The following DNM2 variants were observed in gnomAD, a reference collection of about 807,000 sequenced individuals.
DNM2 encodes dynamin-2.
In DNM2, 15 loss-of-function variants were observed where a neutral mutation model predicts 99.0. The ratio of observed to expected loss-of-function variants is 0.15; its 90% CI spans 0.10 to 0.23. DNM2 has a LOEUF of 0.23. Ranked by LOEUF, DNM2 falls within the 10% of genes least tolerant of loss-of-function variation. DNM2 has a pLI of 1.00. For missense variants in DNM2, 742 were observed against 1,189.4 expected (o/e 0.62, Z 5.53); for synonymous variants, 525 against 481.2 (o/e 1.09, Z -1.19).
chr19:10,746,068 C>T (rs1266844421), intron 1 of DNM2, among the ~76,000 whole-genome samples: 1 of 152,158 alleles, frequency 6.6e-6, no homozygotes, highest in East Asian at 1.9e-4. Context: ...AAGCGATTCT[C>T]GTGCCTCAGC....
At chr19:10,719,516 T>G (rs150099000) in intron 1 of DNM2, among the ~76,000 whole-genome samples, 1 of 152,162 alleles carries the variant, frequency 6.6e-6, no homozygotes, top group East Asian at 1.9e-4. Flanking sequence ...GTGGGCAAAC[T>G]CCACTCTCTG....
intron 2 of DNM2, among the ~76,000 whole-genome samples, chr19:10,766,710 T>C (rs1286477988): frequency 6.6e-6 from 1 of 152,008 alleles, no homozygotes; most frequent in Non-Finnish European, 1.5e-5. Flanking sequence ...AACCTCTCTC[T>C]GGAAAAACCC....
At chr19:10,825,853 C>CAA (rs35659147) in intron 18 of DNM2, among the ~76,000 whole-genome samples, 10 of 67,020 alleles carry the variant, frequency 1.5e-4, no homozygotes, top group East Asian at 1.0e-3. Context: ...GACTCCATCT[C>CAA]AAAAAAAAAA....
Position 10,831,237 on chromosome 19 carries a change from G to A in DNM2, c.*190G>A. On this transcript the variant is annotated 3_prime_UTR_variant, in exon 21 of 21. Transcript: ENST00000389253. The surrounding 1 kb of genome is among the most constrained non-coding windows in gnomAD (Gnocchi z 4.3). The stretch of plus-strand genomic sequence containing the variant: ...GGCTGGACACCGCACTGCGCAAAGG[G>A]GCCCTGGAGCTCCAGGCAGGGGGCG... The A allele has an allele frequency of 7.5e-7, 1 of 1,336,536 alleles. No homozygotes were observed. Among genetic ancestry groups the A allele is most frequent in the South Asian group, 2.0e-5 (1 of 50,462 alleles). 82.8% of individuals were successfully genotyped at this position (1,336,536 alleles called of 1,614,324 possible). A position where few individuals can be genotyped will look rare whatever the true frequency, so the allele number is the denominator to read the frequency against.
intron 15 of DNM2, among the ~76,000 whole-genome samples, chr19:10,815,981 G>A (rs1340227023): frequency 6.6e-6 from 1 of 152,114 alleles, no homozygotes; most frequent in Non-Finnish European, 1.5e-5. Context: ...CATTGGCTAA[G>A]AGAGCCCACT....
intron 2 of DNM2, chr19:10,763,637 C>T (rs984851048): frequency 2.0e-5 from 3 of 152,510 alleles, no homozygotes; most frequent in Non-Finnish European, 4.4e-5. Context: ...GTTGGATTCA[C>T]CTTGGGGTTG....
At chr19:10,760,637 A>G (rs2070589683) in intron 2 of DNM2, among the ~76,000 whole-genome samples, 1 of 151,742 alleles carries the variant, frequency 6.6e-6, no homozygotes, top group Non-Finnish European at 1.5e-5. Context: ...TTCTCTTTTC[A>G]TTAAAGCAGC....
intron 17 of DNM2, 104 bp downstream of exon 17, chr19:10,824,003 A>T (rs1568321266): frequency 9.1e-7 from 1 of 1,102,448 alleles, no homozygotes; most frequent in Non-Finnish European, 1.3e-6. Flanking sequence ...GTTAGCCAGG[A>T]GTCTCTGAAA....
chr19:10,736,778 C>CA (rs1647016486), intron 1 of DNM2, among the ~76,000 whole-genome samples: 1 of 152,168 alleles, frequency 6.6e-6, no homozygotes, highest in Admixed American at 6.6e-5. Context: ...GTTTCTGCCT[C>CA]CTCAGTCTTG....
chr19:10,815,525 T>G lies in DNM2; in HGVS notation c.1671+3148T>G, dbSNP rs115619561. Among the ~76,000 whole-genome samples, 270 of 152,304 alleles carry G rather than the reference T, an allele frequency of 1.8e-3. 1 individual carries two copies. The highest frequency in any genetic ancestry group is 6.4e-3 in the African/African-American group (265 of 41,586). ...CCAGGACTGTGCCTGGCTCACTGCA[T>G]GTGTCCCAGGTTTTGTCCTGGTAAC... On this transcript the variant is annotated intron_variant, in intron 15 of 20. Transcript: ENST00000389253.
chr19:10,814,518 A>G (rs574305745), intron 15 of DNM2, among the ~76,000 whole-genome samples: 23 of 152,176 alleles, frequency 1.5e-4, no homozygotes, highest in African/African-American at 5.1e-4. Flanking sequence ...AACTGCAGTC[A>G]CCCTACTCTT....
intron 8 of DNM2, among the ~76,000 whole-genome samples, chr19:10,794,344 C>CGTGTGTGTGTGT (rs58263525): frequency 0.083 from 11,727 of 141,564 alleles, 661 homozygotes; most frequent in East Asian, 0.34. Flanking sequence ...CTTCTTTTTC[C>CGTGTGTGTGTGT]GTGTGTGTGT....
chr19:10,723,132 A>ATT (rs1203412676), intron 1 of DNM2, among the ~76,000 whole-genome samples: 168 of 113,932 alleles, frequency 1.5e-3, no homozygotes, highest in African/African-American at 1.8e-3. Context: ...CACCTGGCTA[A>ATT]TTTTTTTTTT....
intron 7 of DNM2, among the ~76,000 whole-genome samples, chr19:10,791,703 C>G (rs1249348433): frequency 6.6e-6 from 1 of 152,114 alleles, no homozygotes; most frequent in African/African-American, 2.4e-5. Flanking sequence ...CTAACCCTCC[C>G]CCTCCCCCCG....
chr19:10,801,357 C>A (rs1294570700), intron 11 of DNM2, among the ~76,000 whole-genome samples: 2 of 151,956 alleles, frequency 1.3e-5, no homozygotes, highest in African/African-American at 4.8e-5. Flanking sequence ...CAGTGGTTCA[C>A]ACCTGTAATC....
At chr19:10,731,787 C>G (rs543911241) in intron 1 of DNM2, among the ~76,000 whole-genome samples, 7 of 152,322 alleles carry the variant, frequency 4.6e-5, no homozygotes, top group African/African-American at 1.7e-4. Context: ...CTGAGTTCCC[C>G]GTTGTCTGGG....
intron 15 of DNM2, among the ~76,000 whole-genome samples, chr19:10,814,574 GTACCCAT>G (rs1204965852): frequency 6.6e-6 from 1 of 152,050 alleles, no homozygotes; most frequent in African/African-American, 2.4e-5. Flanking sequence ...CTGTATGTTT[GTACCCAT>G]TAACCCCACC....
intron 1 of DNM2, among the ~76,000 whole-genome samples, chr19:10,736,774 G>A (rs2069543819): frequency 1.3e-5 from 2 of 152,098 alleles, no homozygotes; most frequent in African/African-American, 4.8e-5. Flanking sequence ...TACAGTTTCT[G>A]CCTCCTCAGT....
intron 13 of DNM2, 120 bp downstream of exon 13, chr19:10,806,087 A>C: frequency 8.0e-7 from 1 of 1,249,922 alleles, no homozygotes; most frequent in Non-Finnish European, 1.2e-6. Context: ...CCTCAGTACC[A>C]GGCCATCTGC....
Sources: allele counts gnomAD v4.1 joint callset (sites outside exome capture counted in the v4.1 genomes callset), GRCh38; gene constraint gnomAD v4.1.1; non-coding constraint Gnocchi (gnomAD v3.1); transcripts MANE v1.5; gene names NCBI Gene and HGNC (gene_info 2026-07-23, HGNC 2026-07-21).